The following OSBPL10 variants were observed in gnomAD, a reference collection of about 807,000 sequenced individuals.
OSBPL10 encodes the protein oxysterol binding protein like 10.
Under a neutral mutation model 81.7 loss-of-function variants are expected in OSBPL10, and 49 were observed. The observed-to-expected ratio is 0.60, with a 90% CI of 0.48 to 0.76. The LOEUF (loss-of-function observed/expected upper bound fraction) is 0.76. Ranked by LOEUF, OSBPL10 falls within the 30% of genes least tolerant of loss-of-function variation. The probability of loss-of-function intolerance (pLI) is 0.00; values close to 1 mark genes in which losing one functional copy is unlikely to be tolerated. For synonymous variants in OSBPL10, 419 were observed against 383.6 expected, an observed-to-expected ratio of 1.09 and a Z score of -1.08; for missense variants, 923 against 987.8, an observed-to-expected ratio of 0.93 and a Z score of 0.88.
chr3:31,735,125 A>T (rs902480573), intron 5 of OSBPL10, among the ~76,000 whole-genome samples: 1 of 148,618 alleles, frequency 6.7e-6, no homozygotes, highest in Non-Finnish European at 1.5e-5. Flanking sequence ...GTTAGGTCAC[A>T]TAACTCTACT....
chr3:32,035,149 T>A (rs4955127), intron 2 of OSBPL10, among the ~76,000 whole-genome samples: 104,121 of 152,058 alleles, frequency 0.68, 38,436 homozygotes, highest in South Asian at 0.85. Context: ...ATGTACTTCA[T>A]AGAGGAGTCT....
intron 10 of OSBPL10, 171 bp from the exon 11 acceptor site, chr3:31,664,403 T>G: frequency 1.6e-6 from 1 of 633,422 alleles, no homozygotes; most frequent in Non-Finnish European, 2.7e-6. Context: ...AACCCAGGGC[T>G]ACCCAGCTCC....
intron 1 of OSBPL10, among the ~76,000 whole-genome samples, chr3:31,932,567 C>A (rs1472875973): frequency 6.6e-6 from 1 of 152,096 alleles, no homozygotes; most frequent in Non-Finnish European, 1.5e-5. Context: ...TTTTACATTG[C>A]GTATAATAAA....
At chr3:31,923,075 G>T (rs996318314) in intron 1 of OSBPL10, among the ~76,000 whole-genome samples, 3 of 152,118 alleles carry the variant, frequency 2.0e-5, no homozygotes, top group Admixed American at 2.0e-4. Flanking sequence ...AAGGGGCAAG[G>T]TCCAGGACCA....
chr3:31,671,030 G>C (rs1305130342), intron 8 of OSBPL10, 47 bp from the exon 9 acceptor site: 1 of 1,499,792 alleles, frequency 6.7e-7, no homozygotes, highest in African/African-American at 1.4e-5. Flanking sequence ...CATGTGAAGA[G>C]GGCACTGGGG....
At chr3:32,006,176 C>T (rs916009242) in intron 2 of OSBPL10, among the ~76,000 whole-genome samples, 2 of 151,964 alleles carry the variant, frequency 1.3e-5, no homozygotes, top group Non-Finnish European at 2.9e-5. Flanking sequence ...AAACTCCTGA[C>T]CTCAGGTGAT....
At chr3:31,715,585 A>G (rs1161091467) in intron 6 of OSBPL10, among the ~76,000 whole-genome samples, 10 of 152,246 alleles carry the variant, frequency 6.6e-5, no homozygotes, top group Admixed American at 6.5e-4. Flanking sequence ...ATTCCTGATG[A>G]AACACCACAG....
At chr3:31,847,017 A>G (rs958751626) in intron 3 of OSBPL10, among the ~76,000 whole-genome samples, 13 of 152,010 alleles carry the variant, frequency 8.6e-5, no homozygotes, top group South Asian at 2.1e-4. Flanking sequence ...AAGAATCACA[A>G]ATGTCCACTC....
At chr3:31,727,393 G>GAA (rs11349085) in intron 6 of OSBPL10, among the ~76,000 whole-genome samples, 1 of 144,144 alleles carries the variant, frequency 6.9e-6, no homozygotes, top group Non-Finnish European at 1.5e-5. Flanking sequence ...TGATTCAAAG[G>GAA]AAAAAAAAAA....
At chr3:32,046,948 G>GATC (rs771874923) in intron 1 of OSBPL10, among the ~76,000 whole-genome samples, 1 of 152,188 alleles carries the variant, frequency 6.6e-6, no homozygotes, top group Non-Finnish European at 1.5e-5. Context: ...AGGGTTCTTG[G>GATC]ATCTCACTCA....
intron 2 of OSBPL10, among the ~76,000 whole-genome samples, chr3:32,020,096 A>T (rs1411947565): frequency 1.3e-5 from 2 of 152,178 alleles, no homozygotes; most frequent in Non-Finnish European, 2.9e-5. Context: ...ATTTGTTCTG[A>T]TAGTGAATTT....
At chr3:31,958,291 T>C (rs80138425) in intron 1 of OSBPL10, among the ~76,000 whole-genome samples, 6 of 152,176 alleles carry the variant, frequency 3.9e-5, no homozygotes, top group Non-Finnish European at 8.8e-5. Flanking sequence ...ACTCTTGCAA[T>C]TGAAAAAAGT....
chr3:31,694,370 CAAAAAAAAAAAAAAA>C (rs747631578), intron 7 of OSBPL10, among the ~76,000 whole-genome samples: 1 of 62,828 alleles, frequency 1.6e-5, no homozygotes, highest in Non-Finnish European at 2.6e-5. Context: ...GACTCTGTCT[CAAAAAAAAAAAAAAA>C]AAAAAAAAAA....
chr3:32,035,691 A>G (rs796554927), intron 2 of OSBPL10, among the ~76,000 whole-genome samples: 3 of 152,284 alleles, frequency 2.0e-5, no homozygotes, highest in African/African-American at 7.2e-5. Flanking sequence ...TCTTCCCTCT[A>G]TCCTCCAACT....
chr3:32,070,040 C>G (rs922100253), intron 1 of OSBPL10, among the ~76,000 whole-genome samples: 6 of 152,220 alleles, frequency 3.9e-5, no homozygotes, highest in Non-Finnish European at 5.9e-5. Context: ...CTGGCTGACT[C>G]CTTCCCAGAT....
intron 5 of OSBPL10, among the ~76,000 whole-genome samples, chr3:31,744,356 C>T (rs1381294574): frequency 2.6e-5 from 4 of 151,910 alleles, no homozygotes; most frequent in African/African-American, 7.3e-5. Flanking sequence ...GCCTGGGCAA[C>T]ATGGAGAAAT....
intron 2 of OSBPL10, among the ~76,000 whole-genome samples, chr3:32,004,456 A>G (rs1331892902): frequency 6.6e-6 from 1 of 152,214 alleles, no homozygotes; most frequent in Non-Finnish European, 1.5e-5. Context: ...GTTAAGCACT[A>G]GAAGAGAAGA....
chr3:31,781,133 T>A (rs964039391), intron 4 of OSBPL10, among the ~76,000 whole-genome samples: 9 of 152,206 alleles, frequency 5.9e-5, no homozygotes, highest in African/African-American at 2.2e-4. Context: ...CTGGGTTTCA[T>A]ACCAGGGATT....
intron 2 of OSBPL10, among the ~76,000 whole-genome samples, chr3:31,997,592 A>G (rs1219667368): frequency 6.6e-6 from 1 of 151,728 alleles, no homozygotes; most frequent in African/African-American, 2.4e-5. Flanking sequence ...AAGGAGAGTT[A>G]GTGAATTAGC....
Sources: allele counts gnomAD v4.1 joint callset (sites outside exome capture counted in the v4.1 genomes callset), GRCh38; gene constraint gnomAD v4.1.1; transcripts MANE v1.5; gene names NCBI Gene and HGNC (gene_info 2026-07-23, HGNC 2026-07-21).